The following ZGPAT variants were observed in gnomAD, a reference collection of about 807,000 sequenced individuals.
The protein encoded by ZGPAT is zinc finger CCCH-type with G patch domain-containing protein.
In ZGPAT, 39 loss-of-function variants were observed where a neutral mutation model predicts 47.9. The observed-to-expected ratio is 0.81, with a 90% CI of 0.63 to 1.06. ZGPAT has a LOEUF of 1.06. Ranked by LOEUF, ZGPAT falls within the 50% of genes least tolerant of loss-of-function variation. The probability of loss-of-function intolerance (pLI) is 0.00; values close to 1 mark genes in which losing one functional copy is unlikely to be tolerated. For synonymous variants in ZGPAT, 348 were observed against 292.9 expected (o/e 1.19, Z -1.92); for missense variants, 717 against 681.4 (o/e 1.05, Z -0.58).
At chr20:63,715,229 A>G (rs963170522) in intron 2 of ZGPAT, among the ~76,000 whole-genome samples, 3 of 147,270 alleles carry the variant, frequency 2.0e-5, no homozygotes, top group Non-Finnish European at 3.0e-5. Flanking sequence ...ACTTGGCCCT[A>G]TCTTTTTTCT....
intron 2 of ZGPAT, among the ~76,000 whole-genome samples, chr20:63,724,362 C>T (rs1279302876): frequency 5.8e-5 from 2 of 34,588 alleles, no homozygotes; most frequent in African/African-American, 4.7e-4. Context: ...GAGACTCTGC[C>T]TAAAAAAAAA....
At chr20:63,712,510 T>C (rs1008897454) in intron 2 of ZGPAT, among the ~76,000 whole-genome samples, 1 of 152,238 alleles carries the variant, frequency 6.6e-6, no homozygotes, top group Non-Finnish European at 1.5e-5. Flanking sequence ...TAGGATCGGC[T>C]TGTCCAATTC....
chr20:63,729,628 A>T (rs2091877521), intron 2 of ZGPAT, among the ~76,000 whole-genome samples: 1 of 151,890 alleles, frequency 6.6e-6, no homozygotes, highest in South Asian at 2.1e-4. Flanking sequence ...TGCTCCATTG[A>T]TCGATTTGCC....
intron 2 of ZGPAT, among the ~76,000 whole-genome samples, chr20:63,729,491 T>C (rs2091876002): frequency 6.6e-6 from 1 of 152,230 alleles, no homozygotes; most frequent in Non-Finnish European, 1.5e-5. Flanking sequence ...CTTTTATGTA[T>C]GAAAACCCAG....
rs139525007 is a variant in ZGPAT, at chr20:63,711,186, C to T, written c.584+2022C>T. The stretch of plus-strand genomic sequence containing the variant: ...CTGATACTACAAGTGTGCACTGCCA[C>T]GCCCAGCTAATTTTTGTATTTTTTG... On this transcript the variant is annotated intron_variant, in intron 2 of 6. Transcript: ENST00000355969. Among the ~76,000 whole-genome samples, 1,513 of 152,264 alleles carry T rather than the reference C, an allele frequency of 9.9e-3. 89 individuals are homozygous for T. The highest frequency in any genetic ancestry group is 0.085 in the Admixed American group (1,302 of 15,264).
At chr20:63,714,993 T>C (rs2091711586) in intron 2 of ZGPAT, among the ~76,000 whole-genome samples, 1 of 152,068 alleles carries the variant, frequency 6.6e-6, no homozygotes, top group Admixed American at 6.6e-5. Context: ...TCATGTGTGG[T>C]TTTTTTCCTT....
intron 2 of ZGPAT, among the ~76,000 whole-genome samples, chr20:63,717,142 C>G (rs1332036860): frequency 6.6e-6 from 1 of 152,074 alleles, no homozygotes; most frequent in Non-Finnish European, 1.5e-5. Flanking sequence ...GTCATTTTCG[C>G]TAAAGGTTTG....
At chr20:63,732,703 C>A (rs972080677) in intron 2 of ZGPAT, among the ~76,000 whole-genome samples, 1 of 147,344 alleles carries the variant, frequency 6.8e-6, no homozygotes, top group African/African-American at 2.5e-5. Flanking sequence ...CATGTGTATA[C>A]ATGTGTACTT....
chr20:63,733,470 G>A (rs1434295688), intron 3 of ZGPAT, 117 bp from the exon 4 acceptor site: 49 of 1,598,750 alleles, frequency 3.1e-5, no homozygotes, highest in South Asian at 1.7e-4. Flanking sequence ...CTCTGGGCCC[G>A]AAATGAGCAC....
intron 2 of ZGPAT, chr20:63,730,047 C>CACACACACAA (rs1429442930): frequency 3.3e-5 from 5 of 152,034 alleles, no homozygotes; most frequent in South Asian, 4.2e-4. Context: ...CACACACACA[C>CACACACACAA]AAAATAATAG....
rs761473766 is a variant in ZGPAT, at chr20:63,735,155, G to A, written c.992-4G>A. 35 of 1,506,818 alleles carry A rather than the reference G, an allele frequency of 2.3e-5. No homozygotes were observed. The highest frequency in any genetic ancestry group is 2.8e-5 in the Non-Finnish European group (32 of 1,128,396). The allele number at this position is 1,506,818 out of a possible 1,614,324, so 93.3% of individuals were successfully genotyped here. A position where few individuals can be genotyped will look rare whatever the true frequency, so the allele number is the denominator to read the frequency against. Reference sequence around the variant, plus strand: ...ACAGCACTGCCATCCCCGTGCCTCCGCAGGTTTGGGCCGACACGCGGAAGG... The same window carrying A: ...ACAGCACTGCCATCCCCGTGCCTCCACAGGTTTGGGCCGACACGCGGAAGG... On this transcript the variant is annotated splice_polypyrimidine_tract_variant and splice_region_variant and intron_variant, in intron 5 of 6. Coordinates refer to ENST00000355969, the MANE Select transcript of ZGPAT (RefSeq NM_181485.3).
intron 2 of ZGPAT, among the ~76,000 whole-genome samples, chr20:63,714,874 G>T (rs1175410397): frequency 6.6e-6 from 1 of 151,970 alleles, no homozygotes; most frequent in East Asian, 1.9e-4. Flanking sequence ...AAACTCCAGG[G>T]CTCAAGCAAT....
Position 63,708,712 on chromosome 20 carries a change from GGAGCTCATC to G in ZGPAT, c.140_148del (p.Ile47_Leu49del). 1 of 1,612,808 alleles carries G rather than the reference GGAGCTCATC, an allele frequency of 6.2e-7. No homozygotes were observed. The highest frequency in any genetic ancestry group is 8.5e-7 in the Non-Finnish European group (1 of 1,179,932). ...TGCGCCAGCTGCAGGGGGACCTGAA[GGAGCTCATC>G]GAGCTCACCGAGGCCAGCCTGGTGT... On this transcript the variant is annotated inframe_deletion, in exon 2 of 7. Coordinates refer to ENST00000355969, the MANE Select transcript of ZGPAT (RefSeq NM_181485.3).
chr20:63,731,481 C>T (rs1456869079), intron 2 of ZGPAT, among the ~76,000 whole-genome samples: 6 of 90,894 alleles, frequency 6.6e-5, no homozygotes, highest in African/African-American at 1.7e-4. Flanking sequence ...CATGTGCATA[C>T]GTGTGTAAAG....
rs17855481 is a variant in ZGPAT, at chr20:63,735,404, G to A, written c.1237G>A (p.Gly413Arg). ...TCAGGCTCCTGGGGCCCTAGAAGCC[G>A]GGGCGGCCCCAGCGGGGAGGAGGAG... is the stretch of plus-strand genomic sequence containing the variant. The part of the protein sequence containing the change: ...QGQAPGALEA[G>R]AAPAGRRSKD... The change falls in exon 6 of 7, where the codon GGG (glycine) becomes AGG (arginine). Residue 413 changes from glycine (G) to arginine (R), a missense_variant. Gly to Arg is a moderately radical substitution (Grantham distance 125). Coordinates refer to ENST00000355969, the MANE Select transcript of ZGPAT (RefSeq NM_181485.3). The A allele has an allele frequency of 1.4e-4, 222 of 1,563,724 alleles. No homozygotes were observed. The highest frequency in any genetic ancestry group is 1.9e-4 in the Non-Finnish European group (215 of 1,158,026).
intron 2 of ZGPAT, among the ~76,000 whole-genome samples, chr20:63,719,581 G>GT (rs1325304298): frequency 6.6e-6 from 1 of 151,816 alleles, no homozygotes. Flanking sequence ...TTTCACTACA[G>GT]TTACTGTACT....
intron 2 of ZGPAT, among the ~76,000 whole-genome samples, chr20:63,710,919 G>C (rs1280801025): frequency 6.6e-6 from 1 of 151,826 alleles, no homozygotes; most frequent in Admixed American, 6.6e-5. Context: ...TTTTCTCTTA[G>C]AAGAAATATT....
intron 2 of ZGPAT, among the ~76,000 whole-genome samples, chr20:63,713,936 G>A (rs756106994): frequency 8.6e-5 from 13 of 151,284 alleles, no homozygotes; most frequent in Non-Finnish European, 1.6e-4. Flanking sequence ...TGCTGAATTG[G>A]TTTATTAGTG....
At chr20:63,712,896 AAAC>A (rs1023810574) in intron 2 of ZGPAT, among the ~76,000 whole-genome samples, 1 of 152,064 alleles carries the variant, frequency 6.6e-6, no homozygotes, top group Non-Finnish European at 1.5e-5. Context: ...ACTCCATCTT[AAAC>A]AACAACAATA....
Sources: gnomAD v4.1 joint callset for allele counts (sites outside exome capture counted in the v4.1 genomes callset) on GRCh38, gnomAD v4.1.1 for gene constraint, MANE v1.5 for transcripts, NCBI Gene and HGNC (gene_info 2026-07-23, HGNC 2026-07-21) for gene names.